SNCG: variants seen among roughly 807,000 people sequenced by gnomAD.
The protein encoded by SNCG is gamma-synuclein.
SNCG carries 13 observed loss-of-function variants against 16.0 expected under a neutral mutation model. The observed-to-expected ratio is 0.81, with a 90% confidence interval of 0.53 to 1.29. The LOEUF (loss-of-function observed/expected upper bound fraction) is 1.29, where lower values mean the gene tolerates loss of function less well. Among genes scored for constraint, SNCG ranks in the 50% most tolerant of loss-of-function variants. The pLI is 0.00. For missense variants in SNCG, 154 were observed against 168.5 expected (o/e 0.91, Z 0.48); for synonymous variants, 66 against 66.3 (o/e 1.00, Z 0.02).
upstream of SNCG, chr10:86,957,677 C>A: frequency 1.5e-6 from 2 of 1,348,852 alleles, no homozygotes; most frequent in Non-Finnish European, 2.0e-6. Context: ...GTGGCCTGGG[C>A]CGGCCTACCC....
chr10:86,956,972 C>T (rs1348065199), upstream of SNCG, among the ~76,000 whole-genome samples: 1 of 152,216 alleles, frequency 6.6e-6, no homozygotes, highest in Non-Finnish European at 1.5e-5. Flanking sequence ...GTCAGGTCCC[C>T]AGGGAACTCA....
intron 3 of SNCG, among the ~76,000 whole-genome samples, chr10:86,962,330 C>T (rs1467602029): frequency 1.3e-5 from 2 of 152,176 alleles, no homozygotes; most frequent in African/African-American, 4.8e-5. Context: ...ATCAGTGAAG[C>T]CCAACTAGGG....
Position 86,958,795 on chromosome 10 carries a change from CCAAGGAGG to C in SNCG, c.99_106del (p.Lys34GlyfsTer74), listed in dbSNP as rs1844283451. ...GGGGTGACGGAAGCAGCTGAGAAGA[CCAAGGAGG>C]GGGTCATGTATGTGGGTAAGTGGGG... On this transcript the variant is annotated frameshift_variant, in exon 1 of 5. Transcript: ENST00000372017. LOFTEE classifies it high-confidence loss of function. 9 of 1,611,202 alleles carry C rather than the reference CCAAGGAGG, an allele frequency of 5.6e-6. No individual in the cohort carries two copies. The highest frequency in any genetic ancestry group is 7.6e-6 in the Non-Finnish European group (9 of 1,178,612).
chr10:86,960,602 G>C (rs776170746), intron 3 of SNCG, among the ~76,000 whole-genome samples: 6 of 152,176 alleles, frequency 3.9e-5, no homozygotes, highest in African/African-American at 7.2e-5. Flanking sequence ...GCGTCCCCTA[G>C]TGGTAAGAAA....
chr10:86,956,615 C>G (rs901543479), upstream of SNCG, among the ~76,000 whole-genome samples: 1 of 152,220 alleles, frequency 6.6e-6, no homozygotes, highest in Non-Finnish European at 1.5e-5. Flanking sequence ...TGGCCTTGGG[C>G]AAGCCCCTCA....
Position 86,959,937 on chromosome 10 carries a change from T to G in SNCG, c.164-64T>G, listed in dbSNP as rs767494916. On this transcript the variant is annotated intron_variant, in intron 2 of 4. Transcript: ENST00000372017. This position sits in a 1 kb window ranked among gnomAD's most constrained non-coding sequence, Gnocchi z 4.3. ...AGCTCCTGGGAAGGGGCTGCGAGCCTGACTCCAGCAGGCCTGCCTTGGGGC... is the reference window on the plus strand; with the variant it reads ...AGCTCCTGGGAAGGGGCTGCGAGCCGGACTCCAGCAGGCCTGCCTTGGGGC... The G allele has an allele frequency of 6.5e-7, 1 of 1,550,288 alleles. No homozygotes were observed. The highest frequency in any genetic ancestry group is 2.0e-5 in the Admixed American group (1 of 51,004).
rs1844289010 is a variant in SNCG, at chr10:86,959,008, T to C, written c.121+190T>C. ...GTGCACACCTATGTGTGTTTGTCTTTGGCCTCCTCGGGGCCTCTGGGTGTC... is the reference window on the plus strand; with the variant it reads ...GTGCACACCTATGTGTGTTTGTCTTCGGCCTCCTCGGGGCCTCTGGGTGTC... On this transcript the variant is annotated intron_variant, in intron 1 of 4. Transcript: ENST00000372017. This position sits in a 1 kb window ranked among gnomAD's most constrained non-coding sequence, Gnocchi z 4.3. 6.6e-6 allele frequency among the ~76,000 whole-genome samples: 1 copy of C among 152,050 alleles called. No homozygotes were observed. Among genetic ancestry groups the C allele is most frequent in the Admixed American group, 6.5e-5 (1 of 15,268 alleles).
Position 86,958,636 on chromosome 10 carries a change from CG to C in SNCG, c.-61del, listed in dbSNP as rs1254647666. On this transcript the variant is annotated 5_prime_UTR_variant, in exon 1 of 5. Coordinates refer to ENST00000372017, the MANE Select transcript of SNCG (RefSeq NM_003087.3). ...GGCAGCACTCGAGCCAGCTCAAGCC[CG>C]CAGCTCGCAGGGAGATCCAGCTCCG... is the stretch of plus-strand genomic sequence containing the variant. 7 of 1,608,338 alleles carry C rather than the reference CG, an allele frequency of 4.4e-6. No homozygotes were observed. Among genetic ancestry groups the C allele is most frequent in the Non-Finnish European group, 5.9e-6 (7 of 1,178,144 alleles).
chr10:86,960,939 A>G (rs1415085438), intron 3 of SNCG, among the ~76,000 whole-genome samples: 1 of 152,220 alleles, frequency 6.6e-6, no homozygotes, highest in Admixed American at 6.5e-5. Context: ...CCAAGGTCCC[A>G]TGGCTAGTTC....
upstream of SNCG, among the ~76,000 whole-genome samples, chr10:86,956,725 C>T (rs748054661): frequency 7.2e-5 from 11 of 152,186 alleles, no homozygotes; most frequent in African/African-American, 1.4e-4. Context: ...CTGGGGGCCC[C>T]GTAAACAGCA....
In SNCG at chr10:86,958,648, G is replaced by T. The variant is rs757193684; in HGVS notation, c.-50G>T. On this transcript the variant is annotated 5_prime_UTR_variant, in exon 1 of 5. Coordinates refer to ENST00000372017, the MANE Select transcript of SNCG (RefSeq NM_003087.3). Reference sequence around the variant, plus strand: ...GCCAGCTCAAGCCCGCAGCTCGCAGGGAGATCCAGCTCCGTCCTGCCTGCA... The same window carrying T: ...GCCAGCTCAAGCCCGCAGCTCGCAGTGAGATCCAGCTCCGTCCTGCCTGCA... 56 of 1,611,424 alleles carry T rather than the reference G, an allele frequency of 3.5e-5. No individual in the cohort carries two copies. The highest frequency in any genetic ancestry group is 4.5e-5 in the Non-Finnish European group (53 of 1,179,354).
intron 3 of SNCG, among the ~76,000 whole-genome samples, chr10:86,960,478 G>A (rs188645478): frequency 1.6e-4 from 25 of 152,244 alleles, no homozygotes; most frequent in Non-Finnish European, 3.2e-4. Context: ...GCAGCCTCCC[G>A]GGCAGTGGTC....
chr10:86,962,504 G>GCTC (rs1350089369), intron 3 of SNCG, 100 bp from the exon 4 acceptor site: 2 of 795,258 alleles, frequency 2.5e-6, no homozygotes, highest in Non-Finnish European at 4.1e-6. Context: ...AGGGGCCTCT[G>GCTC]CTCCTCCTTG....
At chr10:86,961,864 G>A (rs186390379) in intron 3 of SNCG, among the ~76,000 whole-genome samples, 153 of 128,366 alleles carry the variant, frequency 1.2e-3, no homozygotes, top group Non-Finnish European at 1.9e-3. Context: ...CAGTATCCCC[G>A]CCTCCCCCCC....
At chr10:86,958,535 G>T, upstream of SNCG, 1 of 1,262,696 alleles carries the variant, frequency 7.9e-7, no homozygotes, top group Non-Finnish European at 1.0e-6. Flanking sequence ...CTGCACGCAG[G>T]GCTGGCTGGG....
At chr10:86,958,497 T>TACCGACCAA, upstream of SNCG, 1 of 1,098,156 alleles carries the variant, frequency 9.1e-7, no homozygotes, top group Non-Finnish European at 1.2e-6. Flanking sequence ...TGAACCTCCT[T>TACCGACCAA]CCCTCCCTCC....
intron 3 of SNCG, 39 bp from the exon 4 acceptor site, chr10:86,962,565 T>C (rs375959330): frequency 4.6e-6 from 7 of 1,522,702 alleles, no homozygotes; most frequent in Non-Finnish European, 1.8e-6. Flanking sequence ...GGTCTCTGCA[T>C]TCTCCACATG....
chr10:86,962,704 TG>T (rs746568299), intron 4 of SNCG, 29 bp downstream of exon 4: 3 of 1,566,424 alleles, frequency 1.9e-6, no homozygotes, highest in South Asian at 2.3e-5. Context: ...GGGTGCACCA[TG>T]GGGGGTTCCT....
chr10:86,962,970 G>C lies in SNCG; in HGVS notation c.369G>C (p.Gln123His), dbSNP rs777637813. ...KEKEEVAEEA[Q>H]SGGD is the part of the protein sequence containing the mutation. ...CAGGTCATTCTCTCTCCCAGGCCCA[G>C]AGTGGGGGAGACTAGAGGGCTACAG... The change falls in exon 5 of 5, where the codon CAG becomes CAC. Residue 123 changes from glutamine to histidine, a missense_variant. Physicochemically the swap from Gln to His is conservative, Grantham distance 24. Coordinates refer to ENST00000372017, the MANE Select transcript of SNCG (RefSeq NM_003087.3). 3.7e-6 allele frequency: 6 copies of C among 1,603,438 alleles called. No homozygotes were observed. Among genetic ancestry groups the C allele is most frequent in the Non-Finnish European group, 5.1e-6 (6 of 1,176,022 alleles).
Sources: gnomAD v4.1 joint callset for allele counts (sites outside exome capture counted in the v4.1 genomes callset) on GRCh38, gnomAD v4.1.1 for gene constraint, Gnocchi (gnomAD v3.1) non-coding constraint, MANE v1.5 for transcripts, NCBI Gene and HGNC (gene_info 2026-07-23, HGNC 2026-07-21) for gene names.